The following RBFOX1 variants were observed in gnomAD, a reference collection of about 807,000 sequenced individuals.
RBFOX1 encodes the protein RNA binding protein fox-1 homolog 1.
In RBFOX1, 8 loss-of-function variants were observed where a neutral mutation model predicts 57.7. That is an observed-to-expected ratio of 0.14 (90% CI 0.08 to 0.25). The LOEUF (loss-of-function observed/expected upper bound fraction) is 0.25, where lower values mean the gene tolerates loss of function less well. RBFOX1 is among the 10% of genes least tolerant of loss of function. The pLI is 1.00. For synonymous variants in RBFOX1, 326 were observed against 222.4 expected (o/e 1.47, Z -4.15); for missense variants, 611 against 548.5 (o/e 1.11, Z -1.14).
At chr16:7,012,720 A>C (rs749918629) in intron 3 of RBFOX1, among the ~76,000 whole-genome samples, 4 of 152,178 alleles carry the variant, frequency 2.6e-5, no homozygotes, top group Non-Finnish European at 5.9e-5. Context: ...CTTGCTTTGT[A>C]ATTGTTGGGA....
intron 2 of RBFOX1, among the ~76,000 whole-genome samples, chr16:6,632,151 G>A (rs972087850): frequency 6.6e-6 from 1 of 152,086 alleles, no homozygotes; most frequent in Non-Finnish European, 1.5e-5. Flanking sequence ...CTGCATCTCT[G>A]TGATCCTTCA....
At chr16:6,919,240 C>T (rs1219568414) in intron 3 of RBFOX1, among the ~76,000 whole-genome samples, 1 of 152,054 alleles carries the variant, frequency 6.6e-6, no homozygotes, top group Admixed American at 6.6e-5. Flanking sequence ...GCCTCAGCTT[C>T]CCAAAGTGCT....
intron 4 of RBFOX1, among the ~76,000 whole-genome samples, chr16:7,185,935 C>A (rs888308234): frequency 3.9e-5 from 6 of 152,110 alleles, no homozygotes; most frequent in African/African-American, 1.4e-4. Context: ...ACTTCCTGAC[C>A]CTTTCTCCCC....
At chr16:5,330,783 C>T (rs941407675) in intron 1 of RBFOX1, among the ~76,000 whole-genome samples, 3 of 151,280 alleles carry the variant, frequency 2.0e-5, no homozygotes, top group Non-Finnish European at 2.9e-5. Context: ...GTTAAAAGAG[C>T]ACTGTTTCAG....
intron 4 of RBFOX1, among the ~76,000 whole-genome samples, chr16:7,286,240 G>A (rs553237455): frequency 2.8e-4 from 43 of 152,168 alleles, no homozygotes; most frequent in South Asian, 4.1e-4. Flanking sequence ...TAGCACAATC[G>A]CCATTGTAAG....
intron 2 of RBFOX1, among the ~76,000 whole-genome samples, chr16:6,443,810 C>A (rs1024734247): frequency 6.6e-6 from 1 of 152,080 alleles, no homozygotes; most frequent in South Asian, 2.1e-4. Flanking sequence ...ATCCATTTAC[C>A]CATCTCTCCA....
intron 2 of RBFOX1, among the ~76,000 whole-genome samples, chr16:6,654,208 T>C (rs1488463927): frequency 1.3e-5 from 2 of 152,118 alleles, no homozygotes; most frequent in Non-Finnish European, 2.9e-5. Context: ...TCCTGATAAT[T>C]TGTGTTGAAG....
chr16:5,726,808 T>A (rs1446744147), intron 3 of RBFOX1, among the ~76,000 whole-genome samples: 1 of 152,222 alleles, frequency 6.6e-6, no homozygotes, highest in Non-Finnish European at 1.5e-5. Flanking sequence ...CTTTGCCCCT[T>A]TACACATTGA....
chr16:6,838,879 C>G (rs1175884436), intron 3 of RBFOX1, among the ~76,000 whole-genome samples: 1 of 151,958 alleles, frequency 6.6e-6, no homozygotes, highest in Non-Finnish European at 1.5e-5. Context: ...GAATCTCACC[C>G]ACAGAAAAAG....
At chr16:6,940,879 G>GTGTGTGTGTGTGTGTT (rs1555653223) in intron 3 of RBFOX1, among the ~76,000 whole-genome samples, 28 of 138,654 alleles carry the variant, frequency 2.0e-4, no homozygotes, top group African/African-American at 6.4e-4. Flanking sequence ...GTGTGTGTGT[G>GTGTGTGTGTGTGTGTT]TGTGTGTGTG....
intron 3 of RBFOX1, among the ~76,000 whole-genome samples, chr16:6,767,819 C>G (rs989941096): frequency 1.3e-5 from 2 of 151,652 alleles, no homozygotes; most frequent in East Asian, 1.9e-4. Context: ...GAGGCTCAGG[C>G]AGGAGAATCG....
chr16:6,430,246 G>T (rs559582291), intron 2 of RBFOX1, among the ~76,000 whole-genome samples: 1 of 152,146 alleles, frequency 6.6e-6, no homozygotes, highest in Admixed American at 6.5e-5. Context: ...GGTTCTCAAC[G>T]TTGTGCTGGG....
At chr16:7,204,135 C>A (rs534558148) in intron 4 of RBFOX1, among the ~76,000 whole-genome samples, 1 of 152,360 alleles carries the variant, frequency 6.6e-6, no homozygotes, top group South Asian at 2.1e-4. Context: ...CACAGGGTAT[C>A]TGCAGATACC....
rs71408412 is a variant in RBFOX1, at chr16:6,863,725, C to CTTTTTTTTTTTTTT, written c.-15-188318_-15-188305dup. Reference sequence around the variant, plus strand: ...CGGAAGCACAAATTGGATGCCTGCGCTTTTTTTTTTTTTTTTTTTTTTTTT... The same window carrying CTTTTTTTTTTTTTT: ...CGGAAGCACAAATTGGATGCCTGCGCTTTTTTTTTTTTTTTTTTTTTTTTTTTTTTTTTTTTTTT... On this transcript the variant is annotated intron_variant, in intron 3 of 15. Coordinates refer to ENST00000550418, the MANE Select transcript of RBFOX1 (RefSeq NM_018723.4). Among the ~76,000 whole-genome samples, 299 of 67,746 alleles carry CTTTTTTTTTTTTTT rather than the reference C, an allele frequency of 4.4e-3. 45 individuals are homozygous for CTTTTTTTTTTTTTT. Among genetic ancestry groups the CTTTTTTTTTTTTTT allele is most frequent in the African/African-American group, 8.0e-3 (107 of 13,368 alleles). 44.4% of individuals were successfully genotyped at this position (67,746 alleles called of 152,430 possible).
intron 4 of RBFOX1, among the ~76,000 whole-genome samples, chr16:5,971,195 C>T (rs1371752915): frequency 6.6e-6 from 1 of 152,230 alleles, no homozygotes; most frequent in Non-Finnish European, 1.5e-5. Context: ...ACCAGACTTA[C>T]TTATTATTTT....
At chr16:5,829,998 GTC>G (rs2056207302) in intron 3 of RBFOX1, among the ~76,000 whole-genome samples, 1 of 152,126 alleles carries the variant, frequency 6.6e-6, no homozygotes. Flanking sequence ...CTTGCTTCCA[GTC>G]TCTTCGTTTG....
intron 4 of RBFOX1, among the ~76,000 whole-genome samples, chr16:7,448,468 G>C (rs2098825549): frequency 6.6e-6 from 1 of 152,128 alleles, no homozygotes; most frequent in South Asian, 2.1e-4. Flanking sequence ...TGTATGCAGG[G>C]CAGCTTCCCT....
chr16:6,005,871 G>C (rs780755821), intron 4 of RBFOX1, among the ~76,000 whole-genome samples: 3 of 152,192 alleles, frequency 2.0e-5, no homozygotes, highest in Non-Finnish European at 4.4e-5. Context: ...TGAAGTAGAA[G>C]TTTAGCATGC....
intron 4 of RBFOX1, among the ~76,000 whole-genome samples, chr16:7,082,696 A>G (rs902694841): frequency 3.5e-4 from 54 of 152,232 alleles, no homozygotes; most frequent in African/African-American, 1.3e-3. Context: ...TTTCTTTCAT[A>G]AAGTTTAAAG....
Sources: allele counts gnomAD v4.1 joint callset (sites outside exome capture counted in the v4.1 genomes callset), GRCh38; gene constraint gnomAD v4.1.1; transcripts MANE v1.5; gene names NCBI Gene and HGNC (gene_info 2026-07-23, HGNC 2026-07-21).